KHDRBS2: variants seen among roughly 807,000 people sequenced by gnomAD.
The protein encoded by KHDRBS2 is KH RNA binding domain containing, signal transduction associated 2.
In KHDRBS2, 26 loss-of-function variants were observed where a neutral mutation model predicts 44.3. The observed-to-expected ratio is 0.59, with a 90% confidence interval of 0.43 to 0.81. The LOEUF is 0.81. Ranked by LOEUF, KHDRBS2 falls within the 40% of genes least tolerant of loss-of-function variation. The pLI, the probability that KHDRBS2 is intolerant of heterozygous loss-of-function variation, is 0.00. For synonymous variants in KHDRBS2, 194 were observed against 151.1 expected, an observed-to-expected ratio of 1.28 and a Z score of -2.08; for missense variants, 476 against 433.1, an observed-to-expected ratio of 1.10 and a Z score of -0.88.
the KHDRBS2 span, among the ~76,000 whole-genome samples, chr6:61,545,501 CTGTGTG>C: frequency 2.0e-5 from 3 of 148,440 alleles, no homozygotes; most frequent in Admixed American, 6.8e-5. Context: ...TAGCTAATCT[CTGTGTG>C]TGTGTGTGTG....
the KHDRBS2 span, among the ~76,000 whole-genome samples, chr6:61,654,881 G>A: frequency 1.8e-4 from 27 of 151,704 alleles, no homozygotes. Flanking sequence ...TGGGGAAGGC[G>A]CAGGAGGCAA....
the KHDRBS2 span, among the ~76,000 whole-genome samples, chr6:61,562,440 A>C: frequency 6.6e-6 from 1 of 152,202 alleles, no homozygotes; most frequent in Admixed American, 6.5e-5. Context: ...CATATTAAAA[A>C]TAAGAGGGTG....
At chr6:61,894,152 A>T (rs981139097) in intron 6 of KHDRBS2, among the ~76,000 whole-genome samples, 32 of 152,146 alleles carry the variant, frequency 2.1e-4, no homozygotes, top group Non-Finnish European at 1.5e-5. Flanking sequence ...ATTTTTTTGA[A>T]TTTTTTATGC....
At chr6:62,195,484 G>A (rs1209411299) in intron 1 of KHDRBS2, among the ~76,000 whole-genome samples, 1 of 152,122 alleles carries the variant, frequency 6.6e-6, no homozygotes. Flanking sequence ...AGCAATGGCT[G>A]AATGAGAAAT....
chr6:61,568,197 ATG>A, the KHDRBS2 span, among the ~76,000 whole-genome samples: 7 of 152,102 alleles, frequency 4.6e-5, no homozygotes, highest in African/African-American at 1.4e-4. Flanking sequence ...CCATTGATTT[ATG>A]TGTCTGTTTT....
chr6:61,776,129 C>T (rs1312905276), intron 6 of KHDRBS2, among the ~76,000 whole-genome samples: 2 of 152,068 alleles, frequency 1.3e-5, no homozygotes, highest in Non-Finnish European at 1.5e-5. Flanking sequence ...ACACCTTATA[C>T]AAAAATTAAT....
the KHDRBS2 span, among the ~76,000 whole-genome samples, chr6:61,609,628 C>T: frequency 6.6e-6 from 1 of 152,054 alleles, no homozygotes; most frequent in Non-Finnish European, 1.5e-5. Context: ...ATCAGCTAGT[C>T]ACTGGTTTTT....
chr6:61,974,879 C>G (rs1170890423), intron 4 of KHDRBS2, among the ~76,000 whole-genome samples: 1 of 151,334 alleles, frequency 6.6e-6, no homozygotes, highest in African/African-American at 2.4e-5. Flanking sequence ...TGCAGTGAGC[C>G]GAGATCGTTC....
chr6:62,141,414 G>C (rs1327169843), intron 2 of KHDRBS2, among the ~76,000 whole-genome samples: 1 of 152,114 alleles, frequency 6.6e-6, no homozygotes, highest in Non-Finnish European at 1.5e-5. Context: ...TAAATCATTT[G>C]GCCTTAGATA....
At chr6:62,013,471 A>T (rs186196710) in intron 3 of KHDRBS2, among the ~76,000 whole-genome samples, 1 of 136,668 alleles carries the variant, frequency 7.3e-6, no homozygotes, top group Admixed American at 7.9e-5. Flanking sequence ...GGCCTCTTTC[A>T]TTTAAAATAA....
intron 4 of KHDRBS2, among the ~76,000 whole-genome samples, chr6:61,918,098 G>T (rs1454633857): frequency 6.6e-6 from 1 of 151,904 alleles, no homozygotes; most frequent in Non-Finnish European, 1.5e-5. Context: ...GGACTCAGAG[G>T]TTAAATGATA....
At chr6:62,178,243 G>A (rs1436765823) in intron 1 of KHDRBS2, among the ~76,000 whole-genome samples, 1 of 151,518 alleles carries the variant, frequency 6.6e-6, no homozygotes, top group African/African-American at 2.4e-5. Flanking sequence ...AATAAGCCAT[G>A]AGAAGACTAA....
chr6:61,836,488 C>G (rs1345426582), intron 6 of KHDRBS2, among the ~76,000 whole-genome samples: 1 of 151,976 alleles, frequency 6.6e-6, no homozygotes, highest in African/African-American at 2.4e-5. Flanking sequence ...TATTATCTAT[C>G]TACTCAGATA....
intron 6 of KHDRBS2, among the ~76,000 whole-genome samples, chr6:61,845,598 G>C (rs1794288020): frequency 6.6e-6 from 1 of 152,138 alleles, no homozygotes. Flanking sequence ...GTGAGCCTCT[G>C]CACACGGCCC....
chr6:62,063,950 A>G (rs1317624764), intron 2 of KHDRBS2, among the ~76,000 whole-genome samples: 2 of 147,716 alleles, frequency 1.4e-5, no homozygotes, highest in Non-Finnish European at 3.0e-5. Flanking sequence ...TACAAAATCA[A>G]TGTACAAAAA....
chr6:61,619,376 A>T, the KHDRBS2 span, among the ~76,000 whole-genome samples: 5 of 151,498 alleles, frequency 3.3e-5, 1 homozygote, highest in South Asian at 8.3e-4. Context: ...TTCCATTCCT[A>T]TGTTATTTCA....
chr6:61,891,247 C>A (rs1470755450), intron 6 of KHDRBS2, among the ~76,000 whole-genome samples: 1 of 152,248 alleles, frequency 6.6e-6, no homozygotes, highest in Non-Finnish European at 1.5e-5. Flanking sequence ...TTTCATAGTA[C>A]AATGATCTGG....
At chr6:61,637,892 T>C in the KHDRBS2 span, among the ~76,000 whole-genome samples, 1 of 152,128 alleles carries the variant, frequency 6.6e-6, no homozygotes, top group Non-Finnish European at 1.5e-5. Context: ...TTTGTTTTTT[T>C]CTTGTAAATT....
intron 6 of KHDRBS2, among the ~76,000 whole-genome samples, chr6:61,774,207 G>A (rs1004356059): frequency 1.3e-5 from 2 of 152,078 alleles, no homozygotes; most frequent in African/African-American, 4.8e-5. Flanking sequence ...TGATGGGGAT[G>A]GCATTGAATC....
Sources: gnomAD v4.1 joint callset for allele counts (sites outside exome capture counted in the v4.1 genomes callset) on GRCh38, gnomAD v4.1.1 for gene constraint, MANE v1.5 for transcripts, NCBI Gene and HGNC (gene_info 2026-07-23, HGNC 2026-07-21) for gene names.